Variants in KDM4C observed in about 807,000 individuals in gnomAD.
KDM4C encodes the protein lysine demethylase 4C.
Under a neutral mutation model 129.3 loss-of-function variants are expected in KDM4C, and 81 were observed. That is an observed-to-expected ratio of 0.63 (90% CI 0.52 to 0.75). The LOEUF (loss-of-function observed/expected upper bound fraction) is 0.75. Ranked by LOEUF, KDM4C falls within the 30% of genes least tolerant of loss-of-function variation. KDM4C has a pLI of 0.00. For synonymous variants in KDM4C, 573 were observed against 456.1 expected (o/e 1.26, Z -3.26); for missense variants, 1,457 against 1,304.0 (o/e 1.12, Z -1.81).
At chr9:7,037,189 T>C (rs1385173757) in intron 15 of KDM4C, among the ~76,000 whole-genome samples, 2 of 152,172 alleles carry the variant, frequency 1.3e-5, no homozygotes, top group Non-Finnish European at 2.9e-5. Context: ...CGGTTTTGTG[T>C]TTCTGTTATG....
At chr9:6,884,916 A>C (rs970111169) in intron 6 of KDM4C, among the ~76,000 whole-genome samples, 1 of 152,220 alleles carries the variant, frequency 6.6e-6, no homozygotes, top group Admixed American at 6.5e-5. Context: ...TTCTCATTTG[A>C]AGGAAGGAAC....
At chr9:7,057,373 T>G (rs538865819) in intron 17 of KDM4C, among the ~76,000 whole-genome samples, 2 of 152,372 alleles carry the variant, frequency 1.3e-5, no homozygotes, top group East Asian at 3.9e-4. Flanking sequence ...TTTCTCTGCA[T>G]TCATCTATAT....
At chr9:7,068,686 CTTTTTTTTTTTT>C (rs542039227) in intron 17 of KDM4C, among the ~76,000 whole-genome samples, 1,023 of 101,776 alleles carry the variant, frequency 0.01, 19 homozygotes, top group African/African-American at 0.033. Context: ...GATGCCCTTT[CTTTTTTTTTTTT>C]TTTTTTTTTT....
chr9:6,807,303 A>G (rs185078762), intron 3 of KDM4C, among the ~76,000 whole-genome samples: 1 of 149,314 alleles, frequency 6.7e-6, no homozygotes, highest in Non-Finnish European at 1.5e-5. Flanking sequence ...CCAGCCGCCA[A>G]CCCGTCTGGG....
upstream of KDM4C, chr9:6,757,740 G>C (rs1038606045): frequency 2.0e-6 from 2 of 985,544 alleles, no homozygotes; most frequent in Non-Finnish European, 2.4e-6. Context: ...GCAAGGTTCT[G>C]TGCACCTGTT....
intron 5 of KDM4C, among the ~76,000 whole-genome samples, chr9:6,872,998 C>G (rs1317317317): frequency 6.6e-6 from 1 of 152,100 alleles, no homozygotes; most frequent in South Asian, 2.1e-4. Context: ...GCAATCTCGT[C>G]TCATTGCAAC....
At chr9:7,121,522 T>C (rs1475748519) in intron 18 of KDM4C, among the ~76,000 whole-genome samples, 1 of 152,176 alleles carries the variant, frequency 6.6e-6, no homozygotes, top group Non-Finnish European at 1.5e-5. Context: ...CTTCAGTCCT[T>C]GATAGGAGGA....
chr9:6,849,422 G>A (rs1481491231), intron 4 of KDM4C, 85 bp from the exon 5 acceptor site: 7 of 1,121,846 alleles, frequency 6.2e-6, no homozygotes, highest in Middle Eastern at 2.1e-4. Flanking sequence ...AATAATTTTG[G>A]TGGATAGTGG....
intron 13 of KDM4C, among the ~76,000 whole-genome samples, chr9:7,012,484 T>G (rs1261413297): frequency 6.6e-6 from 1 of 152,202 alleles, no homozygotes; most frequent in African/African-American, 2.4e-5. Context: ...TGTTTTTTTT[T>G]GTTTGAAAAC....
At chr9:6,957,962 C>T (rs1021850433) in intron 8 of KDM4C, among the ~76,000 whole-genome samples, 3 of 152,034 alleles carry the variant, frequency 2.0e-5, no homozygotes, top group Non-Finnish European at 2.9e-5. Flanking sequence ...GTTTGAGGGC[C>T]ATGGAGAAGT....
At chr9:6,958,684 A>T (rs1829519156) in intron 8 of KDM4C, among the ~76,000 whole-genome samples, 3 of 91,602 alleles carry the variant, frequency 3.3e-5, no homozygotes, top group African/African-American at 4.8e-5. Context: ...CTTTCTTTAT[A>T]TGATTTTTTT....
intron 1 of KDM4C, among the ~76,000 whole-genome samples, chr9:6,784,130 C>A (rs966440790): frequency 6.6e-6 from 1 of 151,994 alleles, no homozygotes; most frequent in African/African-American, 2.4e-5. Context: ...TAAATTCTTA[C>A]ATTTAGTGGC....
chr9:7,090,060 C>T (rs1021245963), intron 17 of KDM4C, among the ~76,000 whole-genome samples: 1 of 152,246 alleles, frequency 6.6e-6, no homozygotes, highest in Non-Finnish European at 1.5e-5. Context: ...CTGTCCAATG[C>T]TTGAAACCCC....
intron 18 of KDM4C, among the ~76,000 whole-genome samples, chr9:7,124,085 CT>C (rs1839785176): frequency 1.3e-5 from 2 of 152,136 alleles, no homozygotes; most frequent in South Asian, 4.1e-4. Context: ...CATAGCACCC[CT>C]TTGATTTAGG....
chr9:7,051,734 G>A (rs998401384), intron 17 of KDM4C, among the ~76,000 whole-genome samples: 4 of 152,062 alleles, frequency 2.6e-5, no homozygotes, highest in African/African-American at 9.7e-5. Context: ...TGTCCATTCT[G>A]CCTTCCTCTT....
intron 5 of KDM4C, among the ~76,000 whole-genome samples, chr9:6,879,750 G>A (rs1248156555): frequency 6.6e-6 from 1 of 152,060 alleles, no homozygotes. Flanking sequence ...TACCTGCCTT[G>A]GGCCTTTGTT....
At chr9:7,102,177 C>A (rs948375313) in intron 17 of KDM4C, among the ~76,000 whole-genome samples, 3 of 152,020 alleles carry the variant, frequency 2.0e-5, no homozygotes, top group African/African-American at 7.3e-5. Context: ...CTTAATTGTA[C>A]ATTGAATCTA....
rs187300115 is a variant in KDM4C, at chr9:6,922,566, G to A, written c.921+29334G>A. Among the ~76,000 whole-genome samples the A allele has an allele frequency of 8.5e-5, 13 of 152,328 alleles. No homozygotes were observed. The East Asian group carries it at 2.5e-3, about 29-fold the overall frequency. ...GTTTGAGATCAGTCTGGGCAACACA[G>A]GGAGAGCCCATCTCTACCAAAAATA... On this transcript the variant is annotated intron_variant, in intron 8 of 21. Coordinates refer to ENST00000381309, the MANE Select transcript of KDM4C (RefSeq NM_015061.6).
chr9:6,784,984 G>A (rs1825163254), intron 1 of KDM4C, among the ~76,000 whole-genome samples: 1 of 152,242 alleles, frequency 6.6e-6, no homozygotes, highest in African/African-American at 2.4e-5. Context: ...GAGCTTTGCT[G>A]TTGATAAAGC....
Sources: gnomAD v4.1 joint callset for allele counts (sites outside exome capture counted in the v4.1 genomes callset) on GRCh38, gnomAD v4.1.1 for gene constraint, MANE v1.5 for transcripts, NCBI Gene and HGNC (gene_info 2026-07-23, HGNC 2026-07-21) for gene names.